Variants in SEC31A observed in about 807,000 individuals in gnomAD.
The protein encoded by SEC31A is protein transport protein Sec31A.
In SEC31A, 70 loss-of-function variants were observed where a neutral mutation model predicts 151.0. The ratio of observed to expected loss-of-function variants is 0.46; its 90% CI spans 0.38 to 0.57. The LOEUF (loss-of-function observed/expected upper bound fraction) is 0.57. Ranked by LOEUF, SEC31A falls within the 20% of genes least tolerant of loss-of-function variation. SEC31A has a pLI of 0.00. For synonymous variants in SEC31A, 475 were observed against 505.9 expected (o/e 0.94, Z 0.82); for missense variants, 1,330 against 1,471.2 (o/e 0.90, Z 1.57).
chr4:82,876,097 T>C (rs1737852214), intron 4 of SEC31A, among the ~76,000 whole-genome samples: 1 of 141,546 alleles, frequency 7.1e-6, no homozygotes, highest in Admixed American at 8.0e-5. Context: ...AAAAATTATA[T>C]GGATAAATTC....
At chr4:82,884,415 T>TTTA (rs1393306417) in intron 1 of SEC31A, among the ~76,000 whole-genome samples, 1 of 152,224 alleles carries the variant, frequency 6.6e-6, no homozygotes. Flanking sequence ...TGCTTTATCT[T>TTTA]TTAGAGTTTT....
At chr4:82,825,503 G>T (rs1426638327) in intron 24 of SEC31A, among the ~76,000 whole-genome samples, 1 of 152,188 alleles carries the variant, frequency 6.6e-6, no homozygotes, top group African/African-American at 2.4e-5. Context: ...AAATGGAGTT[G>T]AACAGTTAAG....
At chr4:82,870,507 T>A in intron 7 of SEC31A, 83 bp from the exon 8 acceptor site, 1 of 1,071,694 alleles carries the variant, frequency 9.3e-7, no homozygotes, top group Non-Finnish European at 1.4e-6. Context: ...TTTTGTAGAT[T>A]CACACATTGT....
At chr4:82,886,223 G>C (rs1475256886) in intron 1 of SEC31A, among the ~76,000 whole-genome samples, 1 of 152,214 alleles carries the variant, frequency 6.6e-6, no homozygotes, top group Non-Finnish European at 1.5e-5. Context: ...TGTTAGGTTA[G>C]AGCAAAGTGA....
At chr4:82,895,212 TG>T (rs1718715935), upstream of SEC31A, 1 of 152,246 alleles carries the variant, frequency 6.6e-6, no homozygotes, top group African/African-American at 2.4e-5. Context: ...CCAGGTGTGG[TG>T]GCTTATGACT....
At chr4:82,821,884 C>A (rs930785274) in intron 25 of SEC31A, among the ~76,000 whole-genome samples, 1 of 152,106 alleles carries the variant, frequency 6.6e-6, no homozygotes, top group African/African-American at 2.4e-5. Context: ...TTCAAAAATA[C>A]TACTTAAACA....
At chr4:82,838,035 A>G (rs1009039412) in intron 22 of SEC31A, among the ~76,000 whole-genome samples, 4 of 152,216 alleles carry the variant, frequency 2.6e-5, no homozygotes, top group Non-Finnish European at 4.4e-5. Context: ...TGAGTATCAC[A>G]AAATTAAAAA....
intron 7 of SEC31A, 100 bp downstream of exon 7, chr4:82,871,844 A>T: frequency 6.7e-7 from 1 of 1,490,362 alleles, no homozygotes; most frequent in Non-Finnish European, 9.1e-7. Flanking sequence ...ATCTAAAAAA[A>T]AAAGTTCCTG....
intron 1 of SEC31A, among the ~76,000 whole-genome samples, chr4:82,886,877 T>C (rs1168247215): frequency 6.6e-6 from 1 of 152,238 alleles, no homozygotes; most frequent in Non-Finnish European, 1.5e-5. Flanking sequence ...TTATGTGCTA[T>C]CTTATCTCAC....
intron 22 of SEC31A, among the ~76,000 whole-genome samples, chr4:82,835,404 C>G (rs1395117277): frequency 6.6e-6 from 1 of 152,108 alleles, no homozygotes; most frequent in Non-Finnish European, 1.5e-5. Context: ...CCTTTTTTAA[C>G]TCTTTCAAAA....
At chr4:82,857,195 T>C (rs1732862463) in intron 15 of SEC31A, 65 bp from the exon 16 acceptor site, 2 of 1,340,040 alleles carry the variant, frequency 1.5e-6, no homozygotes, top group Non-Finnish European at 2.1e-6. Context: ...AACAACAAAG[T>C]ACTACATCTA....
At chr4:82,859,501 CTA>C (rs1298139865) in intron 14 of SEC31A, among the ~76,000 whole-genome samples, 2 of 152,004 alleles carry the variant, frequency 1.3e-5, no homozygotes, top group African/African-American at 4.8e-5. Context: ...GTCTTCTGTG[CTA>C]TGTTATCTAC....
At chr4:82,884,915 T>C (rs929144136) in intron 1 of SEC31A, among the ~76,000 whole-genome samples, 12 of 152,230 alleles carry the variant, frequency 7.9e-5, no homozygotes, top group African/African-American at 2.9e-4. Context: ...ATTAAGTCTC[T>C]TACTGCTAAT....
At chr4:82,829,655 T>C (rs1725475013) in intron 22 of SEC31A, among the ~76,000 whole-genome samples, 1 of 152,144 alleles carries the variant, frequency 6.6e-6, no homozygotes, top group African/African-American at 2.4e-5. Flanking sequence ...TTCAAATATC[T>C]GTGCTAAGAT....
Position 82,855,028 on chromosome 4 carries a change from A to T in SEC31A, c.1883T>A (p.Leu628His). Residue 628 changes from leucine to histidine, a missense_variant and splice_region_variant, in exon 17 of 27, where the codon CTC (leucine) becomes CAC (histidine). By Grantham distance (99) the Leu-to-His change is moderately conservative (BLOSUM62 -3). Transcript: ENST00000395310. ...FAKSQSKITRLITAVVMKNWK... is the reference protein window; with the variant it reads ...FAKSQSKITRHITAVVMKNWK... ...GTTCTTCATCACCACTGCAGTGATG[A>T]GCTTGAGAAACGAAAACAAAGGAAG... 1.1e-5 allele frequency: 18 copies of T among 1,588,604 alleles called. No homozygotes were observed. Among genetic ancestry groups the T allele is most frequent in the Non-Finnish European group, 1.4e-5 (17 of 1,172,760 alleles).
chr4:82,898,863 C>A (rs1720172116), intron 3 of SEC31A, among the ~76,000 whole-genome samples: 1 of 152,120 alleles, frequency 6.6e-6, no homozygotes, highest in African/African-American at 2.4e-5. Flanking sequence ...CTCACCAATT[C>A]CACTCTTAGG....
chr4:82,845,309 A>G, intron 20 of SEC31A: 1 of 1,349,110 alleles, frequency 7.4e-7, no homozygotes, highest in South Asian at 1.4e-5. Flanking sequence ...TTGAACAAAG[A>G]AATACCAATC....
At chr4:82,848,280 G>T (rs1375548325) in intron 20 of SEC31A, among the ~76,000 whole-genome samples, 2 of 147,298 alleles carry the variant, frequency 1.4e-5, no homozygotes, top group African/African-American at 2.5e-5. Context: ...ACAAACCTTT[G>T]GTCATTCATT....
At chr4:82,857,225 A>C (rs4235054) in intron 15 of SEC31A, 95 bp from the exon 16 acceptor site, 7 of 991,756 alleles carry the variant, frequency 7.1e-6, no homozygotes, top group Non-Finnish European at 7.5e-6. Flanking sequence ...ATATATATAC[A>C]TGAATGGAGA....
Sources: gnomAD v4.1 joint callset for allele counts (sites outside exome capture counted in the v4.1 genomes callset) on GRCh38, gnomAD v4.1.1 for gene constraint, MANE v1.5 for transcripts, NCBI Gene and HGNC (gene_info 2026-07-23, HGNC 2026-07-21) for gene names.